The following MSRA variants were observed in gnomAD, a reference collection of about 807,000 sequenced individuals.
The protein encoded by MSRA is methionine sulfoxide reductase A, also known as mitochondrial peptide methionine sulfoxide reductase.
In MSRA, 54 loss-of-function variants were observed where a neutral mutation model predicts 31.3. The observed-to-expected ratio is 1.73, with a 90% CI of 1.39 to 2.17. The LOEUF is 2.17. Among genes scored for constraint, MSRA ranks in the 30% most tolerant of loss-of-function variants. The pLI, the probability that MSRA is intolerant of heterozygous loss-of-function variation, is 0.00. For missense variants in MSRA, 507 were observed against 300.9 expected (o/e 1.69, Z -5.07); for synonymous variants, 169 against 116.5 (o/e 1.45, Z -2.90).
chr8:10,229,965 A>G (rs1563245910), intron 2 of MSRA, among the ~76,000 whole-genome samples: 1 of 152,170 alleles, frequency 6.6e-6, no homozygotes, highest in African/African-American at 2.4e-5. Context: ...TTCTCCATAA[A>G]CTGGCATTCT....
At chr8:10,225,447 T>C (rs1250725438) in intron 2 of MSRA, among the ~76,000 whole-genome samples, 3 of 152,246 alleles carry the variant, frequency 2.0e-5, no homozygotes, top group Non-Finnish European at 4.4e-5. Context: ...GTCTCAAATA[T>C]AAGCCCTGAA....
At chr8:10,142,183 C>G (rs537711759) in intron 1 of MSRA, among the ~76,000 whole-genome samples, 86 of 152,296 alleles carry the variant, frequency 5.6e-4, no homozygotes, top group African/African-American at 2.0e-3. Context: ...GTCTGCAACT[C>G]CCGACCTCAG....
At chr8:10,393,026 C>T (rs1351443964) in intron 5 of MSRA, among the ~76,000 whole-genome samples, 3 of 142,130 alleles carry the variant, frequency 2.1e-5, no homozygotes, top group South Asian at 4.5e-4. Flanking sequence ...AGCGCCGCTG[C>T]ACTCCAGCCT....
At chr8:10,088,975 C>A (rs1363374243) in intron 1 of MSRA, among the ~76,000 whole-genome samples, 1 of 152,028 alleles carries the variant, frequency 6.6e-6, no homozygotes. Flanking sequence ...GCAGTGGTTT[C>A]CATGGGTTGC....
intron 1 of MSRA, among the ~76,000 whole-genome samples, chr8:10,174,891 T>C (rs538634296): frequency 5.4e-4 from 82 of 152,314 alleles, no homozygotes; most frequent in Non-Finnish European, 8.8e-4. Context: ...TGTCTGTCAA[T>C]AGATCTCATC....
chr8:10,105,442 C>T (rs1368898884), intron 1 of MSRA, among the ~76,000 whole-genome samples: 3 of 152,194 alleles, frequency 2.0e-5, no homozygotes, highest in Non-Finnish European at 4.4e-5. Flanking sequence ...TTTTGGTCAA[C>T]TTGAAATGTC....
Position 10,245,131 on chromosome 8 carries a change from G to C in MSRA, c.239G>C (p.Arg80Thr), listed in dbSNP as rs1279436354. The C allele has an allele frequency of 1.2e-6, 2 of 1,613,220 alleles. No individual in the cohort carries two copies. The highest frequency in any genetic ancestry group is 1.1e-5 in the South Asian group (1 of 90,954). Reference sequence around the variant, plus strand: ...ATGGGATGTTTCTGGGGAGCTGAAAGGAAATTCTGGGTCTTGAAAGGAGTG... The same window carrying C: ...ATGGGATGTTTCTGGGGAGCTGAAACGAAATTCTGGGTCTTGAAAGGAGTG... ...FGMGCFWGAE[R>T]KFWVLKGVYS... The change falls in exon 3 of 6, where the codon AGG becomes ACG. Residue 80 changes from arginine (R) to threonine (T), a missense_variant. Transcript: ENST00000317173.
At chr8:10,099,362 C>T (rs1331266208) in intron 1 of MSRA, among the ~76,000 whole-genome samples, 1 of 152,154 alleles carries the variant, frequency 6.6e-6, no homozygotes, top group East Asian at 1.9e-4. Flanking sequence ...TCCCAGAGGA[C>T]TTGCTCTGTG....
intron 2 of MSRA, among the ~76,000 whole-genome samples, chr8:10,225,514 A>G (rs892129462): frequency 2.6e-5 from 4 of 152,188 alleles, no homozygotes; most frequent in African/African-American, 9.7e-5. Flanking sequence ...AGTGGGAAAA[A>G]TTCTTTTTAT....
At chr8:10,102,365 T>A (rs956201128) in intron 1 of MSRA, among the ~76,000 whole-genome samples, 3 of 152,260 alleles carry the variant, frequency 2.0e-5, no homozygotes, top group Non-Finnish European at 4.4e-5. Flanking sequence ...TAATTTCTAT[T>A]GTTCTTACCT....
chr8:10,327,707 G>A (rs534548748), intron 5 of MSRA, among the ~76,000 whole-genome samples: 1 of 152,300 alleles, frequency 6.6e-6, no homozygotes, highest in South Asian at 2.1e-4. Context: ...GCCAAGGCAG[G>A]TGGATCATAA....
chr8:10,288,034 T>C (rs1407151785), intron 3 of MSRA, among the ~76,000 whole-genome samples: 1 of 152,202 alleles, frequency 6.6e-6, no homozygotes, highest in Admixed American at 6.5e-5. Context: ...TAGTAAATAC[T>C]TAGTGAATGA....
At chr8:10,411,720 AAAAT>A (rs1563451574) in intron 5 of MSRA, among the ~76,000 whole-genome samples, 3 of 152,248 alleles carry the variant, frequency 2.0e-5, no homozygotes, top group Non-Finnish European at 2.9e-5. Flanking sequence ...GTGAATAAAA[AAAAT>A]AAAGTTGCTA....
At chr8:10,373,514 G>C (rs1359933818) in intron 5 of MSRA, among the ~76,000 whole-genome samples, 1 of 152,266 alleles carries the variant, frequency 6.6e-6, no homozygotes, top group Non-Finnish European at 1.5e-5. Context: ...TGGGATGACA[G>C]GCATGAGCTA....
rs1460451552 is a variant in MSRA, at chr8:10,234,293, TAAAA to T, written c.212-10808_212-10805del. Among the ~76,000 whole-genome samples the T allele has an allele frequency of 1.3e-5, 2 of 152,020 alleles. 1 individual carries two copies. The highest frequency in any genetic ancestry group is 4.1e-4 in the South Asian group (2 of 4,826). The stretch of plus-strand genomic sequence containing the variant: ...CCTCTGTGTGTGTGTTAGAAGAAAA[TAAAA>T]AAGGCAAATCTTTACACTGCGGTAA... On this transcript the variant is annotated intron_variant, in intron 2 of 5. Transcript: ENST00000317173.
At chr8:10,147,409 G>A (rs1191019008) in intron 1 of MSRA, among the ~76,000 whole-genome samples, 1 of 152,136 alleles carries the variant, frequency 6.6e-6, no homozygotes, top group African/African-American at 2.4e-5. Context: ...TCACCACGTA[G>A]GCCTCACCAC....
intron 1 of MSRA, among the ~76,000 whole-genome samples, chr8:10,120,705 C>T (rs184229000): frequency 6.6e-5 from 10 of 152,280 alleles, no homozygotes; most frequent in South Asian, 6.2e-4. Flanking sequence ...ATAATTAAAG[C>T]GAAGCCTGGT....
chr8:10,253,990 C>G (rs747584419), intron 3 of MSRA, among the ~76,000 whole-genome samples: 2 of 152,090 alleles, frequency 1.3e-5, no homozygotes, highest in Non-Finnish European at 2.9e-5. Context: ...AGCGGAGCGG[C>G]TTGGGAAGAG....
chr8:10,344,933 G>A (rs1441712677), intron 5 of MSRA, among the ~76,000 whole-genome samples: 1 of 152,190 alleles, frequency 6.6e-6, no homozygotes, highest in Non-Finnish European at 1.5e-5. Flanking sequence ...TCTGTGGGTT[G>A]GCTGCATTGT....
Sources: allele counts gnomAD v4.1 joint callset (sites outside exome capture counted in the v4.1 genomes callset), GRCh38; gene constraint gnomAD v4.1.1; transcripts MANE v1.5; gene names NCBI Gene and HGNC (gene_info 2026-07-23, HGNC 2026-07-21).